The following THSD4 variants were observed in gnomAD, a reference collection of about 807,000 sequenced individuals.
THSD4 encodes the protein thrombospondin type 1 domain containing 4, also known as thrombospondin type-1 domain-containing protein 4.
A neutral mutation model predicts 119.0 loss-of-function variants in THSD4; 69 were observed. The ratio of observed to expected loss-of-function variants is 0.58; its 90% CI spans 0.48 to 0.71. The LOEUF (loss-of-function observed/expected upper bound fraction) is 0.71. THSD4 is among the 30% of genes least tolerant of loss of function. The probability of loss-of-function intolerance (pLI) is 0.00; values close to 1 mark genes in which losing one functional copy is unlikely to be tolerated. For synonymous variants in THSD4, 524 were observed against 540.4 expected (o/e 0.97, Z 0.42); for missense variants, 1,393 against 1,391.1 (o/e 1.00, Z -0.02).
At chr15:71,595,767 C>T (rs2049896834) in intron 7 of THSD4, among the ~76,000 whole-genome samples, 1 of 152,164 alleles carries the variant, frequency 6.6e-6, no homozygotes, top group South Asian at 2.1e-4. Flanking sequence ...CCAAGATCTG[C>T]TAGTTCAACG....
At chr15:71,201,186 A>AG (rs2043800832) in intron 3 of THSD4, among the ~76,000 whole-genome samples, 1 of 151,854 alleles carries the variant, frequency 6.6e-6, no homozygotes, top group African/African-American at 2.4e-5. Context: ...GAAAAAAAAA[A>AG]GAGATGGAGG....
At chr15:71,177,681 A>G (rs1172470029) in intron 3 of THSD4, among the ~76,000 whole-genome samples, 1 of 27,338 alleles carries the variant, frequency 3.7e-5, no homozygotes, top group East Asian at 1.9e-3. Context: ...GCAGAGACAC[A>G]ACCAAAAAAG....
Position 71,298,686 on chromosome 15 carries a change from CACT to C in THSD4, c.1015+41972_1015+41974del, listed in dbSNP as rs1157701011. ...CGAGTGCAGTGGTGCGATCTCGGCT[CACT>C]GCAATCTCTGCCTCCTGGGTTCAAG... On this transcript the variant is annotated intron_variant, in intron 6 of 17. Transcript: ENST00000261862. Among the ~76,000 whole-genome samples, 145 of 147,748 alleles carry C rather than the reference CACT, an allele frequency of 9.8e-4. 2 individuals carry two copies. Among genetic ancestry groups the C allele is most frequent in the African/African-American group, 3.4e-3 (137 of 40,204 alleles).
At chr15:71,767,033 A>G (rs1033072623) in intron 16 of THSD4, 1 of 152,218 alleles carries the variant, frequency 6.6e-6, no homozygotes, top group Non-Finnish European at 1.5e-5. Flanking sequence ...TTTGTCTGCA[A>G]TGAAAATATT....
At position 71,154,861 on chromosome 15, in the gene THSD4, A is replaced by C; in HGVS notation, c.30-2A>C. The C allele has an allele frequency of 6.2e-7, 1 of 1,613,998 alleles. No individual in the cohort carries two copies. Among genetic ancestry groups the C allele is most frequent in the Non-Finnish European group, 8.5e-7 (1 of 1,179,992 alleles). ...CTGCCTGTTGCTATTTTCCCTTTTC[A>C]GTGTCCTGTGTTTCCTTCTGCTGCT... On this transcript the variant is annotated splice_acceptor_variant, in intron 2 of 17. Transcript: ENST00000261862. LOFTEE classifies it high-confidence loss of function.
intron 6 of THSD4, among the ~76,000 whole-genome samples, chr15:71,385,580 TCGCTAA>T: frequency 4.0e-4 from 2 of 4,996 alleles, no homozygotes; most frequent in African/African-American, 4.4e-4. Flanking sequence ...AGCTTGGAGT[TCGCTAA>T]AGCGAATAAA....
At position 71,577,709 on chromosome 15, in the gene THSD4, A is replaced by ATTTAT. The variant is rs371853648; in HGVS notation, c.1153-82797_1153-82793dup. ...TTGTGGACTGGTGCAACCTTTATTTATTTATTTTATTTTATTTTATTTTAT... is the reference window on the plus strand; with the variant it reads ...TTGTGGACTGGTGCAACCTTTATTTATTTATTTTATTTTATTTTATTTTATTTTAT... On this transcript the variant is annotated intron_variant, in intron 7 of 17. Transcript: ENST00000261862. Among the ~76,000 whole-genome samples, 58 of 109,580 alleles carry ATTTAT rather than the reference A, an allele frequency of 5.3e-4. 5 individuals carry two copies. The highest frequency in any genetic ancestry group is 2.2e-3 in the Admixed American group (22 of 10,082). 71.9% of individuals were successfully genotyped at this position (109,580 alleles called of 152,430 possible). A position where few individuals can be genotyped will look rare whatever the true frequency, so the allele number is the denominator to read the frequency against.
intron 6 of THSD4, among the ~76,000 whole-genome samples, chr15:71,374,426 C>T (rs542331328): frequency 7.9e-5 from 12 of 152,268 alleles, no homozygotes; most frequent in Non-Finnish European, 4.4e-5. Context: ...TCTAAAGTGG[C>T]ACATGAGCTA....
chr15:71,718,262 G>A (rs1452293136), intron 8 of THSD4, among the ~76,000 whole-genome samples: 1 of 152,162 alleles, frequency 6.6e-6, no homozygotes, highest in East Asian at 1.9e-4. Flanking sequence ...AAGATATCAG[G>A]TTTCTCTTCT....
At chr15:71,583,357 A>G (rs62022799) in intron 7 of THSD4, among the ~76,000 whole-genome samples, 25,687 of 151,442 alleles carry the variant, frequency 0.17, 2,510 homozygotes, top group Non-Finnish European at 0.22. Flanking sequence ...CAGAAACCCA[A>G]CTCTTAGTTT....
chr15:71,530,045 A>G (rs1349464106), intron 7 of THSD4, among the ~76,000 whole-genome samples: 3 of 152,214 alleles, frequency 2.0e-5, no homozygotes, highest in Non-Finnish European at 4.4e-5. Context: ...AACTACTTCT[A>G]CAATTTTTAT....
intron 13 of THSD4, 84 bp from the exon 14 acceptor site, chr15:71,748,337 A>C: frequency 6.5e-7 from 1 of 1,540,364 alleles, no homozygotes; most frequent in Non-Finnish European, 8.8e-7. Context: ...GGGGCTGATC[A>C]CAAAGGCTGC....
At chr15:71,456,483 C>G (rs1033000423) in intron 7 of THSD4, among the ~76,000 whole-genome samples, 1 of 152,174 alleles carries the variant, frequency 6.6e-6, no homozygotes, top group Non-Finnish European at 1.5e-5. Context: ...TCATCTCAAG[C>G]AATCATCTCA....
exon 1 of THSD4, chr15:71,096,962 C>A (rs1049101843): frequency 6.6e-6 from 1 of 152,146 alleles, no homozygotes; most frequent in Non-Finnish European, 1.5e-5. Context: ...ATCAGACCAA[C>A]GTGAATTGAA....
chr15:71,152,409 G>C (rs1476862673), intron 2 of THSD4, among the ~76,000 whole-genome samples: 1 of 150,308 alleles, frequency 6.7e-6, no homozygotes, highest in African/African-American at 2.5e-5. Context: ...GAGACAGAAC[G>C]AGACTCTGTC....
chr15:71,097,284 G>T (rs984767787), intron 1 of THSD4, among the ~76,000 whole-genome samples: 3 of 152,134 alleles, frequency 2.0e-5, no homozygotes, highest in East Asian at 3.8e-4. Flanking sequence ...GAGGTGAAAG[G>T]CTGGGCACGG....
chr15:71,634,516 T>G (rs912082017), intron 7 of THSD4, among the ~76,000 whole-genome samples: 1 of 152,232 alleles, frequency 6.6e-6, no homozygotes, highest in Non-Finnish European at 1.5e-5. Context: ...ATGTCCACTT[T>G]GGCTGCAGCT....
At chr15:71,739,112 A>C (rs1259216017) in intron 11 of THSD4, among the ~76,000 whole-genome samples, 5 of 152,062 alleles carry the variant, frequency 3.3e-5, no homozygotes, top group East Asian at 1.9e-4. Flanking sequence ...AAAAAAAAAA[A>C]AACAAAACTT....
chr15:71,246,127 C>T (rs1156854912), intron 5 of THSD4, among the ~76,000 whole-genome samples: 1 of 152,154 alleles, frequency 6.6e-6, no homozygotes, highest in African/African-American at 2.4e-5. Flanking sequence ...GGGCAAGTCA[C>T]TTAACACCCT....
Sources: gnomAD v4.1 joint callset for allele counts (sites outside exome capture counted in the v4.1 genomes callset) on GRCh38, gnomAD v4.1.1 for gene constraint, MANE v1.5 for transcripts, NCBI Gene and HGNC (gene_info 2026-07-23, HGNC 2026-07-21) for gene names.